The following CDH19 variants were observed in gnomAD, a reference collection of about 807,000 sequenced individuals.
The protein encoded by CDH19 is cadherin-19.
Under a neutral mutation model 64.2 loss-of-function variants are expected in CDH19, and 67 were observed. That is an observed-to-expected ratio of 1.04 (90% confidence interval 0.86 to 1.28). The LOEUF (loss-of-function observed/expected upper bound fraction) is 1.28. Among genes scored for constraint, CDH19 ranks in the 50% most tolerant of loss-of-function variants. The pLI is 0.00. For synonymous variants in CDH19, 346 were observed against 319.3 expected (o/e 1.08, Z -0.89); for missense variants, 1,030 against 929.0 (o/e 1.11, Z -1.41).
chr18:66,567,394 A>G (rs1987948906), intron 3 of CDH19, among the ~76,000 whole-genome samples: 1 of 151,426 alleles, frequency 6.6e-6, no homozygotes, highest in South Asian at 2.1e-4. Flanking sequence ...GAGGAAGGTG[A>G]ACTGTTTCTT....
chr18:66,512,584 T>C (rs1235414616), intron 9 of CDH19, among the ~76,000 whole-genome samples: 2 of 151,528 alleles, frequency 1.3e-5, no homozygotes, highest in African/African-American at 2.4e-5. Context: ...TAAAGAACAT[T>C]AGGAAACCAA....
chr18:66,602,377 A>T (rs762981707), intron 1 of CDH19, among the ~76,000 whole-genome samples: 14 of 151,940 alleles, frequency 9.2e-5, no homozygotes, highest in Non-Finnish European at 1.6e-4. Flanking sequence ...TGAAAGATGG[A>T]TCTGGTTTCT....
At chr18:66,556,017 A>G (rs1987505633) in intron 3 of CDH19, among the ~76,000 whole-genome samples, 2 of 151,758 alleles carry the variant, frequency 1.3e-5, no homozygotes, top group East Asian at 1.9e-4. Flanking sequence ...AGCTAGTACT[A>G]TACAAATGAG....
intron 1 of CDH19, among the ~76,000 whole-genome samples, chr18:66,585,850 T>C (rs1426289258): frequency 6.6e-6 from 1 of 152,106 alleles, no homozygotes; most frequent in Non-Finnish European, 1.5e-5. Flanking sequence ...GACAGATACA[T>C]ATTATCATGC....
At chr18:66,536,190 G>T (rs971676680) in intron 7 of CDH19, among the ~76,000 whole-genome samples, 2 of 151,518 alleles carry the variant, frequency 1.3e-5, no homozygotes, top group Admixed American at 6.6e-5. Flanking sequence ...TATTCCTGAA[G>T]ACTTTGATGA....
chr18:66,504,840 A>T lies in CDH19; in HGVS notation c.2291T>A (p.Phe764Tyr). ...ATTATTTGACTGCACTGCAGAACCA[A>T]ACATGCATGCTAATCTTTTAAAGCG... ...GPRFKRLACM[F>Y]GSAVQSNN The change falls in exon 12 of 12, where the codon TTT becomes TAT. Residue 764 changes from phenylalanine to tyrosine, a missense_variant. By Grantham distance (22) the Phe-to-Tyr change is conservative (BLOSUM62 3). Transcript: ENST00000262150. The T allele has an allele frequency of 6.2e-7, 1 of 1,605,890 alleles. No individual in the cohort carries two copies. The highest frequency in any genetic ancestry group is 8.5e-7 in the Non-Finnish European group (1 of 1,173,374).
intron 1 of CDH19, among the ~76,000 whole-genome samples, chr18:66,573,711 G>A (rs904611839): frequency 3.3e-5 from 5 of 151,400 alleles, no homozygotes; most frequent in African/African-American, 1.2e-4. Flanking sequence ...TAATTTTTGG[G>A]AACTTTATAT....
At chr18:66,590,076 T>G (rs1988699025) in intron 1 of CDH19, among the ~76,000 whole-genome samples, 1 of 151,966 alleles carries the variant, frequency 6.6e-6, no homozygotes, top group Admixed American at 6.6e-5. Flanking sequence ...GTTAGTTTGA[T>G]CCCTCAATTT....
Position 66,535,048 on chromosome 18 carries a change from C to T in CDH19, c.1274G>A (p.Ser425Asn). The stretch of plus-strand genomic sequence containing the variant: ...ACTGATTTCACGATCCAGTGAGTTA[C>T]TTGTAGTGATTGTACCATTATCATT... Reference protein sequence around the residue: ...NINDNGTITTSNSLDREISAW... With the variant: ...NINDNGTITTNNSLDREISAW... Residue 425 changes from serine (S) to asparagine (N), a missense_variant, in exon 8 of 12, where the codon AGT becomes AAT. Transcript: ENST00000262150. 1 of 1,519,586 alleles carries T rather than the reference C, an allele frequency of 6.6e-7. No individual in the cohort carries two copies. The highest frequency in any genetic ancestry group is 8.9e-7 in the Non-Finnish European group (1 of 1,117,420). 94.1% of individuals were successfully genotyped at this position (1,519,586 alleles called of 1,614,324 possible). A position where few individuals can be genotyped will look rare whatever the true frequency, so the allele number is the denominator to read the frequency against.
intron 1 of CDH19, among the ~76,000 whole-genome samples, chr18:66,586,164 A>G (rs1988572057): frequency 6.6e-6 from 1 of 152,076 alleles, no homozygotes. Context: ...ATAGAGAAAA[A>G]CAGATGGCAA....
intron 1 of CDH19, among the ~76,000 whole-genome samples, chr18:66,593,329 T>C (rs1988795363): frequency 6.6e-6 from 1 of 152,002 alleles, no homozygotes; most frequent in Non-Finnish European, 1.5e-5. Context: ...TGTGACTCTA[T>C]CTTAAAGAAA....
chr18:66,586,839 T>C (rs1988593424), intron 1 of CDH19, among the ~76,000 whole-genome samples: 1 of 152,130 alleles, frequency 6.6e-6, no homozygotes, highest in Non-Finnish European at 1.5e-5. Context: ...TCTTGAATTG[T>C]TGTGGCTGGA....
intron 1 of CDH19, among the ~76,000 whole-genome samples, chr18:66,582,622 T>C (rs2144606374): frequency 7.4e-6 from 1 of 134,744 alleles, no homozygotes; most frequent in East Asian, 2.1e-4. Flanking sequence ...GCATATAATT[T>C]GCATACTTAC....
In CDH19 at chr18:66,531,522, G is replaced by A. The variant is rs544373550; in HGVS notation, c.1337-1556C>T. Among the ~76,000 whole-genome samples the A allele has an allele frequency of 4.5e-4, 68 of 152,252 alleles. 1 individual carries two copies. Among genetic ancestry groups the A allele is most frequent in the Non-Finnish European group, 7.3e-4 (50 of 68,028 alleles). On this transcript the variant is annotated intron_variant, in intron 8 of 11. Coordinates refer to ENST00000262150, the MANE Select transcript of CDH19 (RefSeq NM_021153.4). ...AGTCTCAGCTACTTGGGAGGCTGAGGTGGGAGAATCGCTTGAGCAGGAGGT... is the reference window on the plus strand; with the variant it reads ...AGTCTCAGCTACTTGGGAGGCTGAGATGGGAGAATCGCTTGAGCAGGAGGT...
chr18:66,535,779 A>G (rs1986642191), intron 7 of CDH19, among the ~76,000 whole-genome samples: 1 of 145,968 alleles, frequency 6.9e-6, no homozygotes, highest in South Asian at 2.1e-4. Flanking sequence ...AATACATAAT[A>G]CATATATGTT....
Position 66,594,282 on chromosome 18 carries a change from C to T in CDH19, c.-113+9672G>A, listed in dbSNP as rs150352585. Reference sequence around the variant, plus strand: ...TAGAAACCAAGGTATTGAAGACCTACGAAGAAACTTAGATAACCACACAAT... The same window carrying T: ...TAGAAACCAAGGTATTGAAGACCTATGAAGAAACTTAGATAACCACACAAT... On this transcript the variant is annotated intron_variant, in intron 1 of 11. Coordinates refer to ENST00000262150, the MANE Select transcript of CDH19 (RefSeq NM_021153.4). Among the ~76,000 whole-genome samples the T allele has an allele frequency of 8.4e-3, 1,278 of 152,168 alleles. 20 individuals are homozygous for T. The highest frequency in any genetic ancestry group is 0.023 in the African/African-American group (957 of 41,524).
intron 10 of CDH19, among the ~76,000 whole-genome samples, chr18:66,510,676 G>A (rs1985439200): frequency 6.7e-6 from 1 of 150,372 alleles, no homozygotes; most frequent in Non-Finnish European, 1.5e-5. Context: ...TAAATTTTGT[G>A]GAAAGGAGTC....
At chr18:66,594,337 A>T (rs1988823391) in intron 1 of CDH19, among the ~76,000 whole-genome samples, 1 of 152,128 alleles carries the variant, frequency 6.6e-6, no homozygotes, top group South Asian at 2.1e-4. Context: ...CACCCCAATG[A>T]CAGTATCAGA....
chr18:66,535,018 C>T lies in CDH19; in HGVS notation c.1304G>A (p.Trp435Ter). ...TGTGGCTGTAATACTTAGGTTGTAC[C>T]AAGCACTGATTTCACGATCCAGTGA... ...SNSLDREISA[W>*]YNLSITATEK... The change falls in exon 8 of 12, where the codon TGG (tryptophan) becomes TAG (stop). Residue 435 changes from tryptophan to a stop codon, truncating the protein, a stop_gained. Transcript: ENST00000262150. LOFTEE classifies it high-confidence loss of function. The T allele has an allele frequency of 6.6e-7, 1 of 1,510,718 alleles. No homozygotes were observed. Among genetic ancestry groups the T allele is most frequent in the Non-Finnish European group, 9.0e-7 (1 of 1,113,752 alleles). The allele number at this position is 1,510,718 out of a possible 1,614,324, so 93.6% of individuals were successfully genotyped here. A position where few individuals can be genotyped will look rare whatever the true frequency, so the allele number is the denominator to read the frequency against.
Sources: allele counts gnomAD v4.1 joint callset (sites outside exome capture counted in the v4.1 genomes callset), GRCh38; gene constraint gnomAD v4.1.1; transcripts MANE v1.5; gene names NCBI Gene and HGNC (gene_info 2026-07-23, HGNC 2026-07-21).